Variants in USP8 observed in about 807,000 individuals in gnomAD.
USP8 encodes ubiquitin specific peptidase 8, also known as ubiquitin carboxyl-terminal hydrolase 8.
USP8 carries 27 observed loss-of-function variants against 130.0 expected under a neutral mutation model. That is an observed-to-expected ratio of 0.21 (90% confidence interval 0.15 to 0.29). The LOEUF is 0.29. USP8 is among the 10% of genes least tolerant of loss of function. The pLI is 1.00. For synonymous variants in USP8, 392 were observed against 444.1 expected, an observed-to-expected ratio of 0.88 and a Z score of 1.48; for missense variants, 1,029 against 1,312.2, an observed-to-expected ratio of 0.78 and a Z score of 3.33.
chr15:50,466,594 C>CAA (rs559413706), intron 7 of USP8: 30 of 76,618 alleles, frequency 3.9e-4, no homozygotes, highest in Admixed American at 6.1e-4. Context: ...GACTCTGTCT[C>CAA]AAAAAAAAAA....
chr15:50,461,906 T>C (rs1458877075), intron 5 of USP8, among the ~76,000 whole-genome samples: 1 of 152,228 alleles, frequency 6.6e-6, no homozygotes, highest in Non-Finnish European at 1.5e-5. Context: ...TAGTTCATTT[T>C]GCTTTAATTA....
At chr15:50,480,053 G>A (rs552108259) in intron 10 of USP8, among the ~76,000 whole-genome samples, 124 of 152,136 alleles carry the variant, frequency 8.2e-4, no homozygotes, top group African/African-American at 2.8e-3. Context: ...GAGTCACTGC[G>A]CCTGGCAACT....
At chr15:50,439,616 C>T (rs2050185649) in intron 2 of USP8, among the ~76,000 whole-genome samples, 1 of 151,378 alleles carries the variant, frequency 6.6e-6, no homozygotes. Context: ...TGGTGAAACC[C>T]CATTTCTACT....
chr15:50,490,494 A>C lies in USP8; in HGVS notation c.2203A>C (p.Thr735Pro). ...AIQEEEKRKP[T>P]VTPTVNRENK... Reference sequence around the variant, plus strand: ...TCAAGAGGAAGAGAAGAGGAAGCCAACAGTAACTCCAACAGTTAATCGGGA... The same window carrying C: ...TCAAGAGGAAGAGAAGAGGAAGCCACCAGTAACTCCAACAGTTAATCGGGA... Residue 735 changes from threonine (T) to proline (P), a missense_variant, in exon 14 of 20, where the codon ACA becomes CCA. Physicochemically the swap from Thr to Pro is conservative, Grantham distance 38. This residue lies in a region of USP8 where 486 missense variants were observed against 522.0 expected (regional missense o/e 0.93). Coordinates refer to ENST00000307179, the MANE Select transcript of USP8 (RefSeq NM_005154.5). The C allele has an allele frequency of 6.2e-7, 1 of 1,614,130 alleles. No individual in the cohort carries two copies. Among genetic ancestry groups the C allele is most frequent in the Non-Finnish European group, 8.5e-7 (1 of 1,180,022 alleles).
intron 18 of USP8, chr15:50,498,167 G>T (rs62019114): frequency 0.17 from 26,467 of 154,770 alleles, 2,649 homozygotes; most frequent in Non-Finnish European, 0.22. Context: ...ATAATGGAAT[G>T]AATGACATTA....
intron 8 of USP8, among the ~76,000 whole-genome samples, chr15:50,472,740 G>A (rs1421851150): frequency 3.3e-5 from 5 of 151,890 alleles, no homozygotes; most frequent in African/African-American, 1.2e-4. Context: ...CAGAAACCTC[G>A]TCTCTGCTAA....
At position 50,450,462 on chromosome 15, in the gene USP8, CTTTTT is replaced by C. The variant is rs35800074; in HGVS notation, c.335+997_335+1001del. Among the ~76,000 whole-genome samples, 293 of 80,462 alleles carry C rather than the reference CTTTTT, an allele frequency of 3.6e-3. 3 individuals carry two copies. Among genetic ancestry groups the C allele is most frequent in the African/African-American group, 0.012 (278 of 22,344 alleles). The allele number at this position is 80,462 out of a possible 152,430, so 52.8% of individuals were successfully genotyped here. ...TTTCAGTTTTTAGTCGTTAGTCATT[CTTTTT>C]TTTTTTTTTTTTTTTTTTTGGAGAC... On this transcript the variant is annotated intron_variant, in intron 4 of 19. Coordinates refer to ENST00000307179, the MANE Select transcript of USP8 (RefSeq NM_005154.5).
rs995346332 is a variant in USP8, at chr15:50,477,105, T to G, written c.994+112T>G. The stretch of plus-strand genomic sequence containing the variant: ...GTATTTGTCCTATTAGAGAGCAGTT[T>G]GTTTTCAGGCATAAAAATATAAGCC... On this transcript the variant is annotated intron_variant, in intron 9 of 19. Transcript: ENST00000307179. The G allele has an allele frequency of 1.7e-5, 24 of 1,423,998 alleles. No individual in the cohort carries two copies. In the Middle Eastern group the frequency reaches 2.1e-3, roughly 125 times the overall value. 88.2% of individuals were successfully genotyped at this position (1,423,998 alleles called of 1,614,324 possible).
At chr15:50,444,942 G>T (rs1436367582) in intron 3 of USP8, among the ~76,000 whole-genome samples, 1 of 151,990 alleles carries the variant, frequency 6.6e-6, no homozygotes, top group African/African-American at 2.4e-5. Context: ...ATTTTTAGTG[G>T]AAACGAGGTC....
At chr15:50,488,669 A>T (rs997176263) in intron 12 of USP8, among the ~76,000 whole-genome samples, 2 of 148,314 alleles carry the variant, frequency 1.3e-5, no homozygotes, top group Admixed American at 1.4e-4. Context: ...GGTTCAAGCA[A>T]TTCTCCTGCC....
intron 1 of USP8, chr15:50,426,947 C>A (rs2049750001): frequency 6.8e-6 from 1 of 146,782 alleles, no homozygotes; most frequent in Admixed American, 7.4e-5. Context: ...CAGTTTCTTT[C>A]TTTCTTCTTC....
At chr15:50,443,003 C>T (rs1025673291) in intron 3 of USP8, among the ~76,000 whole-genome samples, 1 of 152,068 alleles carries the variant, frequency 6.6e-6, no homozygotes, top group African/African-American at 2.4e-5. Flanking sequence ...ACTGAAATAA[C>T]AAAATTTCGT....
chr15:50,464,846 C>T (rs1319389966), intron 6 of USP8, among the ~76,000 whole-genome samples: 1 of 151,956 alleles, frequency 6.6e-6, no homozygotes, highest in African/African-American at 2.4e-5. Context: ...AGAACGAGAC[C>T]CTGTCTCAAG....
chr15:50,442,581 T>C (rs550059019), intron 3 of USP8, among the ~76,000 whole-genome samples: 2 of 146,532 alleles, frequency 1.4e-5, no homozygotes, highest in Non-Finnish European at 3.0e-5. Flanking sequence ...CCATCTGTAC[T>C]AAAAGTAAAA....
chr15:50,503,087 C>G lies in USP8; in HGVS notation c.*3999C>G, dbSNP rs1416422460. The G allele has an allele frequency of 6.6e-6, 1 of 152,256 alleles. No individual in the cohort carries two copies. Among genetic ancestry groups the G allele is most frequent in the African/African-American group, 2.4e-5 (1 of 41,450 alleles). The allele number at this position is 152,256 out of a possible 1,614,324, so 9.4% of individuals were successfully genotyped here. A position where few individuals can be genotyped will look rare whatever the true frequency, so the allele number is the denominator to read the frequency against. ...GTTCCGCCAGGCCTGGTGGCTCACG[C>G]CTGTAATCCCAGCACTTTGGGAGGC... On this transcript the variant is annotated 3_prime_UTR_variant, in exon 20 of 20. Transcript: ENST00000307179.
At chr15:50,491,770 G>A (rs1306853609) in intron 14 of USP8, among the ~76,000 whole-genome samples, 2 of 152,178 alleles carry the variant, frequency 1.3e-5, no homozygotes, top group East Asian at 3.8e-4. Flanking sequence ...CTCTGCCCCA[G>A]CACTGTCCAG....
In USP8 at chr15:50,514,191, C is replaced by G. The variant is rs995158540; in HGVS notation, c.*15103C>G. 1 of 152,114 alleles carries G rather than the reference C, an allele frequency of 6.6e-6. No homozygotes were observed. The highest frequency in any genetic ancestry group is 1.5e-5 in the Non-Finnish European group (1 of 68,032). The allele number at this position is 152,114 out of a possible 1,614,324, so 9.4% of individuals were successfully genotyped here. On this transcript the variant is annotated 3_prime_UTR_variant, in exon 20 of 20. Transcript: ENST00000307179. ...GATATACTGTACAATTCCATTTATA[C>G]GAAGCATAAAATCAGGCAAAAATCT...
At chr15:50,455,331 G>A (rs1262443138) in intron 4 of USP8, among the ~76,000 whole-genome samples, 1 of 151,268 alleles carries the variant, frequency 6.6e-6, no homozygotes, top group Non-Finnish European at 1.5e-5. Context: ...TCCTACCAGG[G>A]CCTCCCAAAG....
chr15:50,481,653 G>A lies in USP8; in HGVS notation c.1391G>A (p.Arg464His), dbSNP rs376376613. The change falls in exon 11 of 20, where the codon CGT becomes CAT. Residue 464 changes from arginine to histidine, a missense_variant. Around this residue, in one of 4 missense-constraint regions of USP8, gnomAD observed 486 missense variants for 522.0 expected, o/e 0.93. Coordinates refer to ENST00000307179, the MANE Select transcript of USP8 (RefSeq NM_005154.5). ...ATGTTAACAGATGAAGAAAAGGCTC[G>A]TATTCATGCAGAAACTGCTCTTCTA... ...TLMLTDEEKA[R>H]IHAETALLME... The A allele has an allele frequency of 1.1e-5, 17 of 1,613,188 alleles. No homozygotes were observed. Among genetic ancestry groups the A allele is most frequent in the Admixed American group, 6.7e-5 (4 of 59,852 alleles).
Sources: allele counts gnomAD v4.1 joint callset (sites outside exome capture counted in the v4.1 genomes callset), GRCh38; gene constraint gnomAD v4.1.1; regional missense constraint gnomAD v4.1.1; transcripts MANE v1.5; gene names NCBI Gene and HGNC (gene_info 2026-07-23, HGNC 2026-07-21).